Variants in CENPP observed in about 807,000 individuals in gnomAD.
The protein encoded by CENPP is centromere protein P.
In CENPP, 24 loss-of-function variants were observed where a neutral mutation model predicts 35.6. That is an observed-to-expected ratio of 0.67 (90% confidence interval 0.49 to 0.95). The LOEUF is 0.95. Ranked by LOEUF, CENPP falls within the 40% of genes least tolerant of loss-of-function variation. The pLI, the probability that CENPP is intolerant of heterozygous loss-of-function variation, is 0.00. For missense variants in CENPP, 332 were observed against 345.3 expected, an observed-to-expected ratio of 0.96 and a Z score of 0.31; for synonymous variants, 120 against 125.5, an observed-to-expected ratio of 0.96 and a Z score of 0.29.
rs556576225 is a variant in CENPP at position 92,425,906 on chromosome 9, C to T, written c.564+46047C>T. Among the ~76,000 whole-genome samples the T allele has an allele frequency of 5.8e-4, 89 of 152,214 alleles. 1 individual carries two copies. The highest frequency in any genetic ancestry group is 1.7e-3 in the African/African-American group (72 of 41,530). Reference sequence around the variant, plus strand: ...TTTTTCAAAAAATTGTTTTATAGGCCTTCACAGTCCTTTTGGAAGATTAAC... The same window carrying T: ...TTTTTCAAAAAATTGTTTTATAGGCTTTCACAGTCCTTTTGGAAGATTAAC... On this transcript the variant is annotated intron_variant, in intron 5 of 7. Transcript: ENST00000375587.
chr9:92,578,632 C>G (rs1850343586), intron 5 of CENPP, among the ~76,000 whole-genome samples: 1 of 152,048 alleles, frequency 6.6e-6, no homozygotes. Flanking sequence ...CCTTTGCCCA[C>G]TTTTTGATGG....
intron 5 of CENPP, among the ~76,000 whole-genome samples, chr9:92,599,883 G>A (rs1156532300): frequency 6.6e-6 from 1 of 152,086 alleles, no homozygotes; most frequent in Non-Finnish European, 1.5e-5. Flanking sequence ...CTCTCTTTTG[G>A]TTTATCTGTG....
At chr9:92,471,084 C>A (rs1428052176) in intron 5 of CENPP, among the ~76,000 whole-genome samples, 1 of 152,138 alleles carries the variant, frequency 6.6e-6, no homozygotes, top group African/African-American at 2.4e-5. Context: ...TGACCAACCA[C>A]TGAGGTGCAG....
chr9:92,478,998 G>A (rs918968701), intron 5 of CENPP, among the ~76,000 whole-genome samples: 2 of 152,120 alleles, frequency 1.3e-5, no homozygotes, highest in Non-Finnish European at 2.9e-5. Flanking sequence ...CAGCTCCTTT[G>A]CACACCACGT....
At chr9:92,571,846 G>A (rs563756798) in intron 5 of CENPP, among the ~76,000 whole-genome samples, 1 of 148,946 alleles carries the variant, frequency 6.7e-6, no homozygotes, top group South Asian at 2.1e-4. Flanking sequence ...GGCCTTCTTT[G>A]TCTCTTTTGA....
intron 5 of CENPP, among the ~76,000 whole-genome samples, chr9:92,595,575 G>GT (rs369954270): frequency 0.079 from 11,675 of 147,780 alleles, 542 homozygotes; most frequent in South Asian, 0.13. Flanking sequence ...TTTGTTTTTT[G>GT]TTTTTTTTTT....
rs557973385 is a variant in CENPP at position 92,453,650 on chromosome 9, T to C, written c.564+73791T>C. Among the ~76,000 whole-genome samples the C allele has an allele frequency of 2.6e-5, 4 of 152,238 alleles. No homozygotes were observed. In the East Asian group the frequency reaches 7.7e-4, roughly 29 times the overall value. On this transcript the variant is annotated intron_variant, in intron 5 of 7. Coordinates refer to ENST00000375587, the MANE Select transcript of CENPP (RefSeq NM_001012267.3). ...CCCACACAATAATAATGGGAGACTTTAACACCCCACTGTCAACATTAGACA... is the reference window on the plus strand; with the variant it reads ...CCCACACAATAATAATGGGAGACTTCAACACCCCACTGTCAACATTAGACA...
rs1051670627 is a variant in CENPP at position 92,620,363 on chromosome 9, G to C, written c.*7214G>C. The C allele has an allele frequency of 2.6e-5, 4 of 152,326 alleles. No individual in the cohort carries two copies. Among genetic ancestry groups the C allele is most frequent in the African/African-American group, 9.6e-5 (4 of 41,464 alleles). 9.4% of individuals were successfully genotyped at this position (152,326 alleles called of 1,614,324 possible). A position where few individuals can be genotyped will look rare whatever the true frequency, so the allele number is the denominator to read the frequency against. On this transcript the variant is annotated 3_prime_UTR_variant, in exon 8 of 8. Transcript: ENST00000375587. ...TGTGCACATGTGTGTGACGCGGGCA[G>C]GGAGAAAGGTGAAGGACAGGCACCA...
chr9:92,443,986 A>G (rs747281017), intron 5 of CENPP, among the ~76,000 whole-genome samples: 1 of 152,138 alleles, frequency 6.6e-6, no homozygotes, highest in African/African-American at 2.4e-5. Context: ...GTATAGACCT[A>G]TGGGATAAAA....
intron 5 of CENPP, among the ~76,000 whole-genome samples, chr9:92,575,323 C>T (rs575914591): frequency 3.9e-5 from 6 of 152,220 alleles, no homozygotes; most frequent in Admixed American, 3.9e-4. Context: ...GATTATAATA[C>T]AGAATATAAA....
chr9:92,422,504 G>A (rs1028872273), intron 5 of CENPP, among the ~76,000 whole-genome samples: 1 of 152,178 alleles, frequency 6.6e-6, no homozygotes, highest in African/African-American at 2.4e-5. Context: ...CATGACTGGG[G>A]CGTCTCTGAA....
rs1199502713 is a variant in CENPP at position 92,619,465 on chromosome 9, G to T, written c.*6316G>T. On this transcript the variant is annotated 3_prime_UTR_variant, in exon 8 of 8. Coordinates refer to ENST00000375587, the MANE Select transcript of CENPP (RefSeq NM_001012267.3). ...AAACCCCGTTAGACCCAGGCTGCAT[G>T]CCTTGCAGTGGGGGCCTCACCTGGC... is the stretch of plus-strand genomic sequence containing the variant. The T allele has an allele frequency of 6.4e-7, 1 of 1,561,964 alleles. No individual in the cohort carries two copies. The highest frequency in any genetic ancestry group is 1.9e-5 in the Admixed American group (1 of 52,600).
intron 5 of CENPP, among the ~76,000 whole-genome samples, chr9:92,477,080 C>T (rs926812974): frequency 4.3e-4 from 66 of 152,146 alleles, no homozygotes; most frequent in Admixed American, 4.3e-3. Context: ...GCTGGCAACA[C>T]AGGGTTCAGT....
At chr9:92,364,946 A>C (rs1180702556) in intron 4 of CENPP, among the ~76,000 whole-genome samples, 1 of 152,206 alleles carries the variant, frequency 6.6e-6, no homozygotes, top group Non-Finnish European at 1.5e-5. Context: ...TTGTCTAACA[A>C]ACCACTTGAA....
chr9:92,618,743 T>G lies in CENPP; in HGVS notation c.*5594T>G, dbSNP rs1588329899. 3.8e-6 allele frequency: 1 copy of G among 260,522 alleles called. No individual in the cohort carries two copies. The highest frequency in any genetic ancestry group is 3.8e-5 in the South Asian group (1 of 26,578). 16.1% of individuals were successfully genotyped at this position (260,522 alleles called of 1,614,324 possible). On this transcript the variant is annotated 3_prime_UTR_variant, in exon 8 of 8. Coordinates refer to ENST00000375587, the MANE Select transcript of CENPP (RefSeq NM_001012267.3). ...ATTGGAAAGTAAACAATTCTGTGCC[T>G]GCCAGGGAACAGGAATCCTGGGAAC... is the stretch of plus-strand genomic sequence containing the variant.
intron 5 of CENPP, among the ~76,000 whole-genome samples, chr9:92,460,030 C>T (rs954918423): frequency 1.3e-5 from 2 of 149,806 alleles, no homozygotes; most frequent in East Asian, 3.9e-4. Flanking sequence ...TCGCCCCTAT[C>T]AGCAGAGGTG....
chr9:92,336,562 T>C (rs1840936936), intron 2 of CENPP, among the ~76,000 whole-genome samples: 2 of 152,058 alleles, frequency 1.3e-5, no homozygotes, highest in Non-Finnish European at 2.9e-5. Flanking sequence ...GCTCTTATCT[T>C]CCCTGTTCCC....
intron 5 of CENPP, among the ~76,000 whole-genome samples, chr9:92,393,866 G>A (rs1842785822): frequency 6.6e-6 from 1 of 151,366 alleles, no homozygotes; most frequent in African/African-American, 2.4e-5. Context: ...TCTCATTTTT[G>A]GCAGGAGTAC....
chr9:92,432,134 G>T (rs1407812574), intron 5 of CENPP, among the ~76,000 whole-genome samples: 4 of 152,048 alleles, frequency 2.6e-5, no homozygotes, highest in Non-Finnish European at 5.9e-5. Flanking sequence ...AGACCAGCCT[G>T]ACCAACATGG....
Sources: gnomAD v4.1 joint callset for allele counts (sites outside exome capture counted in the v4.1 genomes callset) on GRCh38, gnomAD v4.1.1 for gene constraint, MANE v1.5 for transcripts, NCBI Gene and HGNC (gene_info 2026-07-23, HGNC 2026-07-21) for gene names.